Variants in GRIP1 observed in about 807,000 individuals in gnomAD.
GRIP1 encodes the protein glutamate receptor-interacting protein 1.
Under a neutral mutation model 129.9 loss-of-function variants are expected in GRIP1, and 45 were observed. The ratio of observed to expected loss-of-function variants is 0.35; its 90% CI spans 0.27 to 0.44. The LOEUF (loss-of-function observed/expected upper bound fraction) is 0.44, where lower values mean the gene tolerates loss of function less well. Ranked by LOEUF, GRIP1 falls within the 20% of genes least tolerant of loss-of-function variation. GRIP1 has a pLI of 1.00. For missense variants in GRIP1, 1,196 were observed against 1,396.8 expected, an observed-to-expected ratio of 0.86 and a Z score of 2.29; for synonymous variants, 530 against 520.8, an observed-to-expected ratio of 1.02 and a Z score of -0.24.
At chr12:66,707,024 T>C (rs1437539400) in intron 1 of GRIP1, among the ~76,000 whole-genome samples, 2 of 151,708 alleles carry the variant, frequency 1.3e-5, no homozygotes, top group African/African-American at 4.8e-5. Flanking sequence ...AAATAATTAC[T>C]ACCACTTAAG....
intron 1 of GRIP1, among the ~76,000 whole-genome samples, chr12:66,642,585 G>C (rs901953770): frequency 1.3e-5 from 2 of 152,150 alleles, no homozygotes; most frequent in African/African-American, 4.8e-5. Context: ...TCCTGCTTTA[G>C]GAAGAACCCT....
intron 2 of GRIP1, among the ~76,000 whole-genome samples, chr12:66,575,930 T>C (rs895751850): frequency 1.3e-5 from 2 of 152,330 alleles, no homozygotes; most frequent in Middle Eastern, 3.4e-3. Flanking sequence ...CCTAGCTGTT[T>C]AGAATATATT....
chr12:66,813,523 A>G (rs922849219), intron 1 of GRIP1, among the ~76,000 whole-genome samples: 1 of 152,196 alleles, frequency 6.6e-6, no homozygotes, highest in African/African-American at 2.4e-5. Context: ...AGGTGATGCA[A>G]TGGAAGTGAC....
intron 1 of GRIP1, among the ~76,000 whole-genome samples, chr12:66,746,649 C>T (rs1039000066): frequency 2.0e-5 from 3 of 152,112 alleles, no homozygotes; most frequent in African/African-American, 7.2e-5. Flanking sequence ...CCTTAGAATA[C>T]CTGCATTACC....
chr12:67,020,081 T>A (rs1369840268), intron 1 of GRIP1, among the ~76,000 whole-genome samples: 1 of 152,190 alleles, frequency 6.6e-6, no homozygotes, highest in African/African-American at 2.4e-5. Context: ...TTTTTTGCAC[T>A]TTAAATATTA....
intron 15 of GRIP1, among the ~76,000 whole-genome samples, chr12:66,416,872 AGAG>A (rs1379195553): frequency 2.6e-5 from 4 of 152,082 alleles, no homozygotes; most frequent in Admixed American, 1.3e-4. Flanking sequence ...TCTGAAAAAT[AGAG>A]GAGGAGGGAA....
chr12:66,838,664 T>C (rs2039660967), intron 1 of GRIP1, among the ~76,000 whole-genome samples: 1 of 152,182 alleles, frequency 6.6e-6, no homozygotes, highest in African/African-American at 2.4e-5. Context: ...CATCACCCGA[T>C]AAGGGGGCAC....
At chr12:66,829,477 A>G (rs960122188) in intron 1 of GRIP1, among the ~76,000 whole-genome samples, 11 of 152,140 alleles carry the variant, frequency 7.2e-5, no homozygotes, top group Non-Finnish European at 1.6e-4. Context: ...TAAGCCACCA[A>G]GCTTGTGGTA....
chr12:66,656,230 A>G (rs2033147543), intron 1 of GRIP1, among the ~76,000 whole-genome samples: 1 of 152,176 alleles, frequency 6.6e-6, no homozygotes, highest in African/African-American at 2.4e-5. Context: ...TAGAATATGC[A>G]ACACAGCTTG....
chr12:66,412,929 C>T (rs1027473901), intron 15 of GRIP1, among the ~76,000 whole-genome samples: 1 of 152,038 alleles, frequency 6.6e-6, no homozygotes, highest in Non-Finnish European at 1.5e-5. Flanking sequence ...TATATATGCC[C>T]CTAATACAGG....
At chr12:66,674,867 G>A (rs992259746) in intron 1 of GRIP1, among the ~76,000 whole-genome samples, 5 of 152,122 alleles carry the variant, frequency 3.3e-5, no homozygotes, top group Non-Finnish European at 7.3e-5. Context: ...CTGAGGTTGG[G>A]AGGAGAAATC....
chr12:66,486,467 A>G (rs2059958061), intron 7 of GRIP1, among the ~76,000 whole-genome samples: 1 of 152,122 alleles, frequency 6.6e-6, no homozygotes. Flanking sequence ...TTGTGGGAGG[A>G]ACCTGGTGGG....
intron 1 of GRIP1, among the ~76,000 whole-genome samples, chr12:66,938,713 C>G (rs1419731053): frequency 6.6e-6 from 1 of 152,088 alleles, no homozygotes; most frequent in Non-Finnish European, 1.5e-5. Flanking sequence ...AATCCCAGCA[C>G]TTTGGGAGGC....
intron 2 of GRIP1, among the ~76,000 whole-genome samples, chr12:66,566,352 C>T (rs937327250): frequency 1.3e-5 from 2 of 152,030 alleles, no homozygotes; most frequent in Admixed American, 1.3e-4. Context: ...TTGTCAAAGG[C>T]CTTTTCTGCA....
intron 19 of GRIP1, among the ~76,000 whole-genome samples, chr12:66,382,197 C>G (rs972427244): frequency 6.6e-6 from 1 of 152,186 alleles, no homozygotes; most frequent in African/African-American, 2.4e-5. Flanking sequence ...CCACTGCACT[C>G]CAGTCTGGGT....
chr12:66,599,111 T>C (rs539547778), intron 1 of GRIP1, among the ~76,000 whole-genome samples: 7 of 152,276 alleles, frequency 4.6e-5, no homozygotes, highest in East Asian at 3.9e-4. Context: ...AACTGAATTA[T>C]AGATGACCAC....
chr12:67,066,494 T>C (rs918653943), intron 1 of GRIP1, among the ~76,000 whole-genome samples: 12 of 152,152 alleles, frequency 7.9e-5, no homozygotes, highest in African/African-American at 2.9e-4. Context: ...TACATGTAGA[T>C]TGGGGTTGTG....
At chr12:67,002,747 TTTTC>T (rs1404004439) in intron 1 of GRIP1, among the ~76,000 whole-genome samples, 20 of 152,016 alleles carry the variant, frequency 1.3e-4, no homozygotes, top group Non-Finnish European at 1.9e-4. Flanking sequence ...TCTTCTTTCC[TTTTC>T]TTTATCTACT....
chr12:66,714,800 G>A (rs2035818838), intron 1 of GRIP1, among the ~76,000 whole-genome samples: 1 of 151,574 alleles, frequency 6.6e-6, no homozygotes, highest in Non-Finnish European at 1.5e-5. Context: ...CAGAAAATGG[G>A]GAGTCAGCCT....
Sources: allele counts gnomAD v4.1 joint callset (sites outside exome capture counted in the v4.1 genomes callset), GRCh38; gene constraint gnomAD v4.1.1; transcripts MANE v1.5; gene names NCBI Gene and HGNC (gene_info 2026-07-23, HGNC 2026-07-21).